Variants in RNF121 observed in about 807,000 individuals in gnomAD.
The protein encoded by RNF121 is ring finger protein 121.
A neutral mutation model predicts 46.5 loss-of-function variants in RNF121; 21 were observed. That is an observed-to-expected ratio of 0.45 (90% CI 0.32 to 0.65). The LOEUF is 0.65. Ranked by LOEUF, RNF121 falls within the 30% of genes least tolerant of loss-of-function variation. The pLI is 0.04. For missense variants in RNF121, 346 were observed against 416.0 expected, an observed-to-expected ratio of 0.83 and a Z score of 1.46; for synonymous variants, 139 against 144.7, an observed-to-expected ratio of 0.96 and a Z score of 0.28.
At chr11:71,974,368 A>T (rs1299849730) in intron 3 of RNF121, among the ~76,000 whole-genome samples, 3 of 152,148 alleles carry the variant, frequency 2.0e-5, no homozygotes, top group Non-Finnish European at 2.9e-5. Flanking sequence ...AAAATACTCC[A>T]CCTACTCTGT....
At chr11:71,960,710 G>T (rs754322735) in intron 2 of RNF121, 40 bp from the exon 3 acceptor site, 1 of 1,597,022 alleles carries the variant, frequency 6.3e-7, no homozygotes, top group Non-Finnish European at 8.6e-7. Flanking sequence ...TATCACTACA[G>T]CATCCCTGAC....
chr11:71,977,993 C>T (rs1732197895), intron 3 of RNF121: 1 of 273,802 alleles, frequency 3.7e-6, no homozygotes, highest in South Asian at 2.9e-5. Flanking sequence ...TATATGCCTT[C>T]CTTAATGAAG....
intron 1 of RNF121, among the ~76,000 whole-genome samples, chr11:71,950,115 ATGAAAGGATCAGC>A (rs1953836833): frequency 6.6e-6 from 1 of 152,190 alleles, no homozygotes; most frequent in Admixed American, 6.5e-5. Flanking sequence ...AGTTGTTAGT[ATGAAAGGATCAGC>A]TGAATTGTCT....
intron 1 of RNF121, among the ~76,000 whole-genome samples, chr11:71,949,243 C>A (rs918415676): frequency 6.6e-6 from 1 of 152,058 alleles, no homozygotes. Flanking sequence ...CATGTGGAGA[C>A]CCCTTATCTA....
At chr11:71,960,703 C>A in intron 2 of RNF121, 47 bp from the exon 3 acceptor site, 1 of 1,586,974 alleles carries the variant, frequency 6.3e-7, no homozygotes, top group South Asian at 1.1e-5. Context: ...GTCCCTTTAT[C>A]ACTACAGCAT....
chr11:71,983,995 A>G (rs1033544624), intron 4 of RNF121, among the ~76,000 whole-genome samples: 1 of 152,234 alleles, frequency 6.6e-6, no homozygotes, highest in Non-Finnish European at 1.5e-5. Flanking sequence ...AGTTTACTTT[A>G]AAGGCCACTG....
At chr11:71,950,597 A>C (rs1953851103) in intron 1 of RNF121, among the ~76,000 whole-genome samples, 1 of 152,038 alleles carries the variant, frequency 6.6e-6, no homozygotes. Context: ...TTAAAAAAAA[A>C]AAATTGTTGA....
intron 3 of RNF121, among the ~76,000 whole-genome samples, chr11:71,961,764 A>G (rs147989622): frequency 2.3e-3 from 350 of 152,248 alleles, no homozygotes; most frequent in Middle Eastern, 6.8e-3. Flanking sequence ...TGCTGTCTAT[A>G]GTAAATTCAC....
At chr11:71,961,990 CAG>C (rs1186239353) in intron 3 of RNF121, among the ~76,000 whole-genome samples, 2 of 120,114 alleles carry the variant, frequency 1.7e-5, no homozygotes, top group African/African-American at 6.6e-5. Flanking sequence ...TTTTTTGAGA[CAG>C]AGTCTCGCTG....
chr11:71,982,953 G>A (rs370033904), intron 4 of RNF121, 38 bp downstream of exon 4: 10 of 1,555,802 alleles, frequency 6.4e-6, no homozygotes, highest in South Asian at 3.7e-5. Flanking sequence ...CAGGTTTTCC[G>A]AAGCTAATGG....
At chr11:71,993,818 A>G (rs1314627014) in intron 6 of RNF121, among the ~76,000 whole-genome samples, 5 of 149,618 alleles carry the variant, frequency 3.3e-5, no homozygotes, top group Admixed American at 3.3e-4. Flanking sequence ...ATCTGTATTC[A>G]TGAAGCTTCT....
chr11:71,934,069 GC>G (rs1953341860), intron 1 of RNF121, among the ~76,000 whole-genome samples: 1 of 151,932 alleles, frequency 6.6e-6, no homozygotes, highest in Non-Finnish European at 1.5e-5. Context: ...TTCCCTTATT[GC>G]CTTTTGAAAT....
chr11:71,979,250 C>A (rs1288142669), intron 3 of RNF121, among the ~76,000 whole-genome samples: 1 of 152,154 alleles, frequency 6.6e-6, no homozygotes, highest in East Asian at 1.9e-4. Context: ...CCAATCCCTT[C>A]CTCCAAGAAA....
chr11:71,981,352 G>A (rs1214289184), intron 3 of RNF121, among the ~76,000 whole-genome samples: 1 of 152,156 alleles, frequency 6.6e-6, no homozygotes, highest in East Asian at 1.9e-4. Context: ...GGCCAGCCGA[G>A]TAAATACTTT....
intron 3 of RNF121, among the ~76,000 whole-genome samples, chr11:71,961,974 T>G (rs190048978): frequency 1.4e-3 from 213 of 151,230 alleles, no homozygotes; most frequent in African/African-American, 4.9e-3. Context: ...AGATTTTTTT[T>G]TTTTTTTTTT....
intron 4 of RNF121, 142 bp from the exon 5 acceptor site, chr11:71,986,862 G>T: frequency 1.6e-6 from 1 of 617,550 alleles, no homozygotes; most frequent in South Asian, 1.9e-5. Context: ...AGCAGCTTTG[G>T]ATAGTAACTG....
chr11:71,936,032 A>G (rs573759123), intron 1 of RNF121, among the ~76,000 whole-genome samples: 1 of 151,304 alleles, frequency 6.6e-6, no homozygotes, highest in Admixed American at 6.6e-5. Context: ...TATTTTTAGT[A>G]GAGACAGGGT....
At chr11:71,945,843 T>C (rs1457495353) in intron 1 of RNF121, among the ~76,000 whole-genome samples, 1 of 152,170 alleles carries the variant, frequency 6.6e-6, no homozygotes, top group Non-Finnish European at 1.5e-5. Flanking sequence ...CCAGGCCCAG[T>C]AGCTTACACC....
In RNF121 at chr11:71,997,071, A is replaced by T. The variant is rs1193847893; in HGVS notation, c.*756A>T. 1 of 152,262 alleles carries T rather than the reference A, an allele frequency of 6.6e-6. No homozygotes were observed. Among genetic ancestry groups the T allele is most frequent in the Non-Finnish European group, 1.5e-5 (1 of 68,076 alleles). The allele number at this position is 152,262 out of a possible 1,614,324, so 9.4% of individuals were successfully genotyped here. On this transcript the variant is annotated 3_prime_UTR_variant, in exon 9 of 9. Transcript: ENST00000361756. ...GGTCATATAGTTGGGCCATGGGGCA[A>T]TTGTTGGCAGCCATGACTGACGGCC...
Sources: gnomAD v4.1 joint callset for allele counts (sites outside exome capture counted in the v4.1 genomes callset) on GRCh38, gnomAD v4.1.1 for gene constraint, MANE v1.5 for transcripts, NCBI Gene and HGNC (gene_info 2026-07-23, HGNC 2026-07-21) for gene names.